LPCAT2: variants seen among roughly 807,000 people sequenced by gnomAD.
The protein encoded by LPCAT2 is lysophosphatidylcholine acyltransferase 2, also known as 1-AGP acyltransferase 11.
A neutral mutation model predicts 64.7 loss-of-function variants in LPCAT2; 58 were observed. That is an observed-to-expected ratio of 0.90 (90% CI 0.73 to 1.12). LPCAT2 has a LOEUF of 1.12. Among genes scored for constraint, LPCAT2 ranks in the 50% most tolerant of loss-of-function variants. The pLI, the probability that LPCAT2 is intolerant of heterozygous loss-of-function variation, is 0.00. For missense variants in LPCAT2, 579 were observed against 669.8 expected (o/e 0.86, Z 1.50); for synonymous variants, 252 against 245.3 (o/e 1.03, Z -0.26).
intron 11 of LPCAT2, among the ~76,000 whole-genome samples, chr16:55,565,416 T>C (rs753613274): frequency 3.3e-5 from 5 of 152,120 alleles, no homozygotes; most frequent in Non-Finnish European, 7.4e-5. Context: ...CCCATGTTCA[T>C]AGCAGCATTA....
chr16:55,564,609 C>G (rs1419074590), intron 11 of LPCAT2, among the ~76,000 whole-genome samples: 2 of 151,906 alleles, frequency 1.3e-5, no homozygotes, highest in African/African-American at 4.8e-5. Flanking sequence ...ACGGTCTTTT[C>G]AACAAATAGT....
chr16:55,531,609 T>C (rs1257899310), intron 4 of LPCAT2, among the ~76,000 whole-genome samples: 1 of 152,200 alleles, frequency 6.6e-6, no homozygotes, highest in African/African-American at 2.4e-5. Context: ...ATGCACACTT[T>C]GACCATGAAT....
At chr16:55,543,702 A>G (rs1294075005) in intron 8 of LPCAT2, among the ~76,000 whole-genome samples, 2 of 152,192 alleles carry the variant, frequency 1.3e-5, no homozygotes, top group Admixed American at 1.3e-4. Flanking sequence ...AAAAACAACT[A>G]TGCAAAATAG....
intron 7 of LPCAT2, among the ~76,000 whole-genome samples, chr16:55,536,707 TA>T (rs1190497745): frequency 6.6e-6 from 1 of 152,208 alleles, no homozygotes; most frequent in Non-Finnish European, 1.5e-5. Context: ...TTTAAATGTG[TA>T]GTTTAATCCA....
At chr16:55,526,375 A>T (rs1963170331) in intron 2 of LPCAT2, among the ~76,000 whole-genome samples, 1 of 152,194 alleles carries the variant, frequency 6.6e-6, no homozygotes, top group South Asian at 2.1e-4. Flanking sequence ...TGTGAATTCC[A>T]AATCTGTAGA....
At chr16:55,565,795 C>T (rs746666072) in intron 11 of LPCAT2, among the ~76,000 whole-genome samples, 7 of 151,952 alleles carry the variant, frequency 4.6e-5, no homozygotes, top group Non-Finnish European at 1.0e-4. Flanking sequence ...TTTCACAATG[C>T]AAATATACTT....
intron 8 of LPCAT2, chr16:55,542,011 A>C: frequency 8.8e-7 from 1 of 1,140,228 alleles, no homozygotes; most frequent in South Asian, 1.5e-5. Context: ...AAAATAAAAG[A>C]TTGATTATAG....
In LPCAT2 at chr16:55,568,485, T is replaced by C. The variant is rs78012183; in HGVS notation, c.1216-6146T>C. ...AATGTAAACCAATATAGAGAACACA[T>C]ATTGCTGACTATTGCAATTATTCTC... On this transcript the variant is annotated intron_variant, in intron 11 of 13. Transcript: ENST00000262134. 3.4e-3 allele frequency among the ~76,000 whole-genome samples: 514 copies of C among 152,292 alleles called. 18 individuals are homozygous for C. In the South Asian group the frequency reaches 0.063, roughly 19 times the overall value.
intron 7 of LPCAT2, among the ~76,000 whole-genome samples, 164 bp from the exon 8 acceptor site, chr16:55,537,414 G>A (rs1315666098): frequency 6.6e-6 from 1 of 151,480 alleles, no homozygotes; most frequent in South Asian, 2.1e-4. Context: ...AAGAATAGTT[G>A]TCTAGGCCCA....
chr16:55,567,444 A>G (rs1460651086), intron 11 of LPCAT2: 9 of 1,613,648 alleles, frequency 5.6e-6, no homozygotes, highest in African/African-American at 4.0e-5. Context: ...GGATAGAGAT[A>G]GAGATGGCCT....
intron 10 of LPCAT2, among the ~76,000 whole-genome samples, chr16:55,549,776 A>G (rs1487815652): frequency 2.6e-5 from 4 of 152,214 alleles, no homozygotes; most frequent in Non-Finnish European, 5.9e-5. Context: ...TGAAACATGA[A>G]TTGATTTGTA....
At chr16:55,534,239 G>A (rs540235411) in intron 6 of LPCAT2, among the ~76,000 whole-genome samples, 4 of 152,184 alleles carry the variant, frequency 2.6e-5, no homozygotes, top group South Asian at 2.1e-4. Flanking sequence ...GTTGACATTA[G>A]GAAGATCTTT....
chr16:55,530,021 G>T (rs1047299458), intron 4 of LPCAT2, 74 bp downstream of exon 4: 1 of 1,074,448 alleles, frequency 9.3e-7, no homozygotes, highest in South Asian at 1.5e-5. Flanking sequence ...TACTCATTTG[G>T]ATCCACAGAT....
intron 8 of LPCAT2, chr16:55,539,275 T>A (rs75107433): frequency 2.6e-5 from 4 of 151,356 alleles, no homozygotes; most frequent in East Asian, 1.9e-4. Flanking sequence ...TTTTTTTTTT[T>A]AATTACGATA....
chr16:55,537,661 C>G, intron 8 of LPCAT2, 29 bp downstream of exon 8: 1 of 1,603,790 alleles, frequency 6.2e-7, no homozygotes, highest in South Asian at 1.1e-5. Flanking sequence ...GGCCTTGGAA[C>G]TTGAGATTTG....
chr16:55,554,789 C>A (rs1269608648), intron 11 of LPCAT2, among the ~76,000 whole-genome samples: 2 of 152,046 alleles, frequency 1.3e-5, no homozygotes, highest in African/African-American at 4.8e-5. Context: ...AATATGCAAC[C>A]ATTTATTTCA....
rs1485536215 is a variant in LPCAT2 at position 55,579,170 on chromosome 16, C to T, written c.1376C>T (p.Ala459Val). The T allele has an allele frequency of 1.2e-6, 2 of 1,613,554 alleles. No homozygotes were observed. The highest frequency in any genetic ancestry group is 2.2e-5 in the South Asian group (2 of 91,066). ...TEEEFSTILQ[A>V]SLGVPDLDVS... Reference sequence around the variant, plus strand: ...GAAGAGTTCTCCACCATTCTACAGGCTTCCCTTGGAGTGCCTGACCTTGAT... The same window carrying T: ...GAAGAGTTCTCCACCATTCTACAGGTTTCCCTTGGAGTGCCTGACCTTGAT... The change falls in exon 13 of 14, where the codon GCT (alanine) becomes GTT (valine). Residue 459 changes from alanine to valine, a missense_variant. Physicochemically the swap from Ala to Val is moderately conservative, Grantham distance 64. Transcript: ENST00000262134.
chr16:55,531,862 A>G, intron 4 of LPCAT2, 52 bp from the exon 5 acceptor site: 1 of 1,138,854 alleles, frequency 8.8e-7, no homozygotes, highest in South Asian at 1.3e-5. Context: ...GCGAGTAAAG[A>G]GGTAATTTAT....
At chr16:55,567,424 TC>T in intron 11 of LPCAT2, 1 of 1,613,850 alleles carries the variant, frequency 6.2e-7, no homozygotes, top group Non-Finnish European at 8.5e-7. Context: ...TTTCGTGCCT[TC>T]AAGTCTCTGG....
Sources: gnomAD v4.1 joint callset for allele counts (sites outside exome capture counted in the v4.1 genomes callset) on GRCh38, gnomAD v4.1.1 for gene constraint, MANE v1.5 for transcripts, NCBI Gene and HGNC (gene_info 2026-07-23, HGNC 2026-07-21) for gene names.